Variants in SHROOM3 observed in about 807,000 individuals in gnomAD.
SHROOM3 encodes protein Shroom3.
In SHROOM3, 47 loss-of-function variants were observed where a neutral mutation model predicts 138.6. The ratio of observed to expected loss-of-function variants is 0.34; its 90% confidence interval spans 0.27 to 0.43. The LOEUF (loss-of-function observed/expected upper bound fraction) is 0.43. Ranked by LOEUF, SHROOM3 falls within the 20% of genes least tolerant of loss-of-function variation. The pLI is 1.00. For synonymous variants in SHROOM3, 1,062 were observed against 1,063.3 expected, an observed-to-expected ratio of 1.00 and a Z score of 0.02; for missense variants, 2,491 against 2,596.5, an observed-to-expected ratio of 0.96 and a Z score of 0.88.
intron 5 of SHROOM3, among the ~76,000 whole-genome samples, chr4:76,747,708 T>A (rs1721485892): frequency 6.6e-6 from 1 of 152,070 alleles, no homozygotes; most frequent in Admixed American, 6.5e-5. Flanking sequence ...GGAAAAGACT[T>A]TTAAAGGACC....
intron 2 of SHROOM3, among the ~76,000 whole-genome samples, chr4:76,565,354 T>G (rs1004839712): frequency 2.0e-5 from 3 of 152,108 alleles, no homozygotes; most frequent in Non-Finnish European, 4.4e-5. Flanking sequence ...TTTGGAACTC[T>G]GAATACTTGA....
Position 76,756,919 on chromosome 4 carries a change from C to T in SHROOM3, c.5180C>T (p.Ser1727Leu), listed in dbSNP as rs946430759. The T allele has an allele frequency of 1.1e-5, 18 of 1,613,874 alleles. No homozygotes were observed. The highest frequency in any genetic ancestry group is 1.7e-5 in the Admixed American group (1 of 60,002). ...GCCATACAGAGAACTGTCAGCTCTT[C>T]AGGATGTGAAGGCAAGAGGTAAGTC... ...RKAIQRTVSS[S>L]GCEGKRNEDK... The change falls in exon 8 of 11, where the codon TCA becomes TTA. Residue 1727 changes from serine to leucine, a missense_variant. Coordinates refer to ENST00000296043, the MANE Select transcript of SHROOM3 (RefSeq NM_020859.4).
chr4:76,688,289 C>A, intron 2 of SHROOM3: 2 of 623,380 alleles, frequency 3.2e-6, no homozygotes, highest in Non-Finnish European at 4.0e-6. Flanking sequence ...ATGAAGGTTT[C>A]AGTAAAGAGG....
intron 1 of SHROOM3, among the ~76,000 whole-genome samples, chr4:76,443,709 G>A (rs1283208521): frequency 6.6e-6 from 1 of 152,150 alleles, no homozygotes; most frequent in Non-Finnish European, 1.5e-5. Context: ...CTCCACAAAG[G>A]CTACATGGGT....
intron 2 of SHROOM3, among the ~76,000 whole-genome samples, chr4:76,659,212 A>C (rs997033832): frequency 4.6e-5 from 7 of 152,076 alleles, no homozygotes; most frequent in Non-Finnish European, 2.9e-5. Context: ...CCCTCAAAGC[A>C]CTTCCCGATG....
chr4:76,440,446 T>G (rs1214380506), intron 1 of SHROOM3, among the ~76,000 whole-genome samples: 1 of 152,200 alleles, frequency 6.6e-6, no homozygotes, highest in Non-Finnish European at 1.5e-5. Context: ...AGCTATTATC[T>G]GAGTGAAGTA....
chr4:76,534,939 G>A (rs1732920067), intron 1 of SHROOM3, among the ~76,000 whole-genome samples: 1 of 151,996 alleles, frequency 6.6e-6, no homozygotes, highest in Non-Finnish European at 1.5e-5. Flanking sequence ...ATCCATTTTT[G>A]CATGATAATT....
At position 76,780,568 on chromosome 4, in the gene SHROOM3, G is replaced by A. The variant is rs1463761638; in HGVS notation, c.*1391G>A. The A allele has an allele frequency of 6.6e-6, 1 of 151,548 alleles. No individual in the cohort carries two copies. The highest frequency in any genetic ancestry group is 1.5e-5 in the Non-Finnish European group (1 of 67,918). 9.4% of individuals were successfully genotyped at this position (151,548 alleles called of 1,614,324 possible). A position where few individuals can be genotyped will look rare whatever the true frequency, so the allele number is the denominator to read the frequency against. ...AAAAAAAATGACAAGGGAACCAAATGCTCCTTCTCCCCTTAGTACATTTTC... is the reference window on the plus strand; with the variant it reads ...AAAAAAAATGACAAGGGAACCAAATACTCCTTCTCCCCTTAGTACATTTTC... On this transcript the variant is annotated 3_prime_UTR_variant, in exon 11 of 11. Transcript: ENST00000296043.
At chr4:76,487,014 C>T (rs539642403) in intron 1 of SHROOM3, among the ~76,000 whole-genome samples, 2 of 152,220 alleles carry the variant, frequency 1.3e-5, no homozygotes, top group African/African-American at 4.8e-5. Flanking sequence ...GCAACTATCA[C>T]CACGATCAAT....
intron 2 of SHROOM3, among the ~76,000 whole-genome samples, chr4:76,586,728 T>G (rs1257620998): frequency 6.6e-6 from 1 of 152,194 alleles, no homozygotes; most frequent in Admixed American, 6.5e-5. Context: ...CTTTTTCCTA[T>G]TTGATGAGAA....
chr4:76,651,536 C>T (rs4859704), intron 2 of SHROOM3, among the ~76,000 whole-genome samples: 98,880 of 149,924 alleles, frequency 0.66, 33,240 homozygotes, highest in East Asian at 0.94. Flanking sequence ...AAGCAAGAAG[C>T]CAGGGAATCT....
At chr4:76,727,051 G>A (rs1308534502) in intron 3 of SHROOM3, among the ~76,000 whole-genome samples, 6 of 152,016 alleles carry the variant, frequency 3.9e-5, no homozygotes, top group Non-Finnish European at 8.8e-5. Flanking sequence ...ACCCAGTCCC[G>A]GGGCTAATTT....
chr4:76,738,639 T>TACCCACCCTTCCAAAC, intron 4 of SHROOM3, 122 bp from the exon 5 acceptor site: 1 of 1,201,492 alleles, frequency 8.3e-7, no homozygotes, highest in African/African-American at 1.5e-5. Context: ...TGGCCCTTTT[T>TACCCACCCTTCCAAAC]ACCCACCCTT....
chr4:76,778,435 T>G (rs1007616019), intron 10 of SHROOM3, among the ~76,000 whole-genome samples: 1 of 152,134 alleles, frequency 6.6e-6, no homozygotes, highest in Non-Finnish European at 1.5e-5. Flanking sequence ...TTGGCCAGGC[T>G]GGGTTTGAAC....
intron 1 of SHROOM3, among the ~76,000 whole-genome samples, chr4:76,437,980 G>C (rs1174162945): frequency 6.6e-6 from 1 of 152,036 alleles, no homozygotes; most frequent in East Asian, 1.9e-4. Flanking sequence ...TGCAGAATGG[G>C]GCTATCCTAC....
At chr4:76,532,192 A>C (rs547158975) in intron 1 of SHROOM3, 1 of 152,204 alleles carries the variant, frequency 6.6e-6, no homozygotes, top group South Asian at 2.1e-4. Flanking sequence ...TTTGCTGAGA[A>C]TGATGGTTTC....
chr4:76,678,266 GT>G (rs201629033), intron 2 of SHROOM3, among the ~76,000 whole-genome samples: 1 of 152,072 alleles, frequency 6.6e-6, no homozygotes, highest in Non-Finnish European at 1.5e-5. Flanking sequence ...AAAGATAAGG[GT>G]TTTTTTGTTG....
At chr4:76,541,437 A>G (rs1430158708) in intron 1 of SHROOM3, among the ~76,000 whole-genome samples, 1 of 152,212 alleles carries the variant, frequency 6.6e-6, no homozygotes, top group African/African-American at 2.4e-5. Context: ...AAGGGGATTG[A>G]GGCATGGCTG....
intron 2 of SHROOM3, among the ~76,000 whole-genome samples, chr4:76,593,222 C>T (rs1383467769): frequency 1.3e-5 from 2 of 152,166 alleles, no homozygotes; most frequent in African/African-American, 4.8e-5. Context: ...AAATGTGCAC[C>T]TTCATCACTG....
Sources: gnomAD v4.1 joint callset for allele counts (sites outside exome capture counted in the v4.1 genomes callset) on GRCh38, gnomAD v4.1.1 for gene constraint, MANE v1.5 for transcripts, NCBI Gene and HGNC (gene_info 2026-07-23, HGNC 2026-07-21) for gene names.